The following SEC23A variants were observed in gnomAD, a reference collection of about 807,000 sequenced individuals.
The protein encoded by SEC23A is SEC23 homolog A, COPII component.
Under a neutral mutation model 103.7 loss-of-function variants are expected in SEC23A, and 56 were observed. The observed-to-expected ratio is 0.54, with a 90% CI of 0.44 to 0.67. The LOEUF is 0.67. SEC23A is among the 30% of genes least tolerant of loss of function. The pLI is 0.00. For missense variants in SEC23A, 784 were observed against 936.4 expected, an observed-to-expected ratio of 0.84 and a Z score of 2.12; for synonymous variants, 281 against 293.0, an observed-to-expected ratio of 0.96 and a Z score of 0.42.
In SEC23A at chr14:39,068,317, G is replaced by A. The variant is rs148316435; in HGVS notation, c.1104-1021C>T. ...CAAAATGGTACAACCCCAGTACAGA[G>A]TAACTTGATAATATCTAACAAAATT... On this transcript the variant is annotated intron_variant, in intron 9 of 19. Coordinates refer to ENST00000307712, the MANE Select transcript of SEC23A (RefSeq NM_006364.4). 2.6e-5 allele frequency among the ~76,000 whole-genome samples: 4 copies of A among 152,200 alleles called. No individual in the cohort carries two copies. In the East Asian group the frequency reaches 5.8e-4, roughly 22 times the overall value.
chr14:39,066,256 G>T (rs1293821549), intron 10 of SEC23A, among the ~76,000 whole-genome samples: 6 of 151,948 alleles, frequency 3.9e-5, no homozygotes, highest in Admixed American at 3.9e-4. Flanking sequence ...CCCAAGCAAT[G>T]TTGGGCATAT....
intron 5 of SEC23A, chr14:39,091,080 G>A: frequency 2.4e-6 from 1 of 413,496 alleles, no homozygotes. Flanking sequence ...ATGATGACAT[G>A]GACTTTGGTC....
Position 39,103,027 on chromosome 14 carries a change from C to G in SEC23A, c.-22+5G>C, listed in dbSNP as rs1304759126. The G allele has an allele frequency of 6.5e-6, 1 of 153,240 alleles. No individual in the cohort carries two copies. Among genetic ancestry groups the G allele is most frequent in the Non-Finnish European group, 1.5e-5 (1 of 68,568 alleles). 9.5% of individuals were successfully genotyped at this position (153,240 alleles called of 1,614,324 possible). A position where few individuals can be genotyped will look rare whatever the true frequency, so the allele number is the denominator to read the frequency against. On this transcript the variant is annotated splice_donor_5th_base_variant and intron_variant, in intron 1 of 19. Coordinates refer to ENST00000307712, the MANE Select transcript of SEC23A (RefSeq NM_006364.4). ...GCCAGCCCGCCCCCGCTCCCCGCTG[C>G]GCACCTGCGGTCCCCCAGGAGCGGA... is the stretch of plus-strand genomic sequence containing the variant.
chr14:39,054,811 T>C (rs1886185816), intron 14 of SEC23A, among the ~76,000 whole-genome samples: 1 of 152,066 alleles, frequency 6.6e-6, no homozygotes, highest in Non-Finnish European at 1.5e-5. Flanking sequence ...GCCACAGCAA[T>C]GAAGAAATAT....
At chr14:39,095,455 C>A (rs1011230719) in intron 2 of SEC23A, among the ~76,000 whole-genome samples, 1 of 152,054 alleles carries the variant, frequency 6.6e-6, no homozygotes, top group Admixed American at 6.6e-5. Context: ...TGCCACCACA[C>A]CCCAGCTAAG....
intron 7 of SEC23A, among the ~76,000 whole-genome samples, chr14:39,084,777 C>G (rs1887370563): frequency 6.6e-6 from 1 of 152,162 alleles, no homozygotes. Context: ...TCAAGCAATT[C>G]TCCCTGCTTC....
intron 1 of SEC23A, among the ~76,000 whole-genome samples, 190 bp downstream of exon 1, chr14:39,102,842 C>G (rs112459585): frequency 1.3e-5 from 2 of 152,182 alleles, no homozygotes; most frequent in African/African-American, 4.8e-5. Flanking sequence ...GCCGGGCCCC[C>G]GGCCCCGGCA....
At chr14:39,045,459 A>G (rs1349514616) in intron 15 of SEC23A, 135 bp from the exon 16 acceptor site, 1 of 573,124 alleles carries the variant, frequency 1.7e-6, no homozygotes, top group Non-Finnish European at 2.9e-6. Context: ...TCTAATTTAT[A>G]TCCCTCAGGA....
At chr14:39,093,817 AT>A (rs1029308484) in intron 2 of SEC23A, among the ~76,000 whole-genome samples, 8 of 151,898 alleles carry the variant, frequency 5.3e-5, no homozygotes, top group African/African-American at 1.7e-4. Flanking sequence ...AAATAATCCT[AT>A]TTTTTTCTTC....
At chr14:39,073,440 G>A (rs965316650) in intron 9 of SEC23A, among the ~76,000 whole-genome samples, 4 of 150,744 alleles carry the variant, frequency 2.7e-5, no homozygotes, top group African/African-American at 4.9e-5. Context: ...TTACAGCCAC[G>A]TGCCACCACG....
intron 1 of SEC23A, among the ~76,000 whole-genome samples, chr14:39,102,575 G>T (rs1164593279): frequency 2.6e-5 from 4 of 152,202 alleles, no homozygotes; most frequent in African/African-American, 9.6e-5. Context: ...AAAACCCAAG[G>T]CATTATCTTT....
intron 14 of SEC23A, among the ~76,000 whole-genome samples, chr14:39,049,293 T>A (rs770221346): frequency 4.6e-5 from 7 of 151,556 alleles, no homozygotes; most frequent in Non-Finnish European, 1.0e-4. Context: ...CTGGCCAACA[T>A]GGTGAAACCG....
chr14:39,062,801 A>G (rs1030168929), intron 12 of SEC23A, among the ~76,000 whole-genome samples: 8 of 152,150 alleles, frequency 5.3e-5, no homozygotes, highest in Admixed American at 3.9e-4. Flanking sequence ...AAAAACTATT[A>G]ATATATAAGT....
chr14:39,075,782 A>T (rs1267020580), intron 8 of SEC23A, among the ~76,000 whole-genome samples, 153 bp downstream of exon 8: 2 of 152,268 alleles, frequency 1.3e-5, no homozygotes, highest in African/African-American at 2.4e-5. Flanking sequence ...CAAATTATCA[A>T]GAAAAAATGA....
At chr14:39,059,329 A>T (rs149185518) in intron 13 of SEC23A, among the ~76,000 whole-genome samples, 343 of 142,400 alleles carry the variant, frequency 2.4e-3, no homozygotes, top group African/African-American at 8.4e-3. Flanking sequence ...TGCTCTGATC[A>T]TTGGAAATGG....
rs1165396368 is a variant in SEC23A at position 39,061,881 on chromosome 14, T to C, written c.1399-10A>G. The C allele has an allele frequency of 3.8e-6, 6 of 1,585,962 alleles. No homozygotes were observed. Among genetic ancestry groups the C allele is most frequent in the South Asian group, 3.3e-5 (3 of 90,538 alleles). On this transcript the variant is annotated splice_polypyrimidine_tract_variant and intron_variant, in intron 12 of 19. Coordinates refer to ENST00000307712, the MANE Select transcript of SEC23A (RefSeq NM_006364.4). The stretch of plus-strand genomic sequence containing the variant: ...GAATTGGAGCATTATGCTGTATAAA[T>C]ATAATGGAGTAAAACCTAAGCAAAA...
Position 39,076,098 on chromosome 14 carries a change from TA to T in SEC23A, c.829-6del, listed in dbSNP as rs769315513. On this transcript the variant is annotated splice_polypyrimidine_tract_variant and splice_region_variant and intron_variant, in intron 7 of 19. Transcript: ENST00000307712. ...ACCAGTGTTGGGAAAAGTACACTATTAAAAAAAAAGTCAAGAGTTTAAAAGA... is the reference window on the plus strand; with the variant it reads ...ACCAGTGTTGGGAAAAGTACACTATTAAAAAAAAGTCAAGAGTTTAAAAGA... The T allele has an allele frequency of 1.1e-4, 170 of 1,589,050 alleles. No homozygotes were observed. The highest frequency in any genetic ancestry group is 3.3e-4 in the Middle Eastern group (2 of 6,034).
At chr14:39,091,028 A>G in intron 5 of SEC23A, 1 of 390,562 alleles carries the variant, frequency 2.6e-6, no homozygotes, top group Non-Finnish European at 4.8e-6. Flanking sequence ...CCAGCTGAGG[A>G]AAAGAAAGTG....
chr14:39,086,841 A>G (rs549775288), intron 6 of SEC23A, 88 bp downstream of exon 6: 3 of 779,210 alleles, frequency 3.9e-6, no homozygotes, highest in Non-Finnish European at 7.0e-6. Flanking sequence ...ATTTAACAAT[A>G]TAGTATCACT....
Sources: allele counts gnomAD v4.1 joint callset (sites outside exome capture counted in the v4.1 genomes callset), GRCh38; gene constraint gnomAD v4.1.1; transcripts MANE v1.5; gene names NCBI Gene and HGNC (gene_info 2026-07-23, HGNC 2026-07-21).